GPBP1L1: variants seen among roughly 807,000 people sequenced by gnomAD.
GPBP1L1 encodes the protein vasculin-like protein 1.
GPBP1L1 carries 23 observed loss-of-function variants against 52.5 expected under a neutral mutation model. The observed-to-expected ratio is 0.44, with a 90% CI of 0.32 to 0.62. The LOEUF (loss-of-function observed/expected upper bound fraction) is 0.62. Ranked by LOEUF, GPBP1L1 falls within the 20% of genes least tolerant of loss-of-function variation. The pLI is 0.06. For synonymous variants in GPBP1L1, 243 were observed against 203.1 expected, an observed-to-expected ratio of 1.20 and a Z score of -1.67; for missense variants, 596 against 579.3, an observed-to-expected ratio of 1.03 and a Z score of -0.30.
intron 11 of GPBP1L1, 21 bp from the exon 12 acceptor site, chr1:45,629,699 G>T (rs753622626): frequency 1.4e-6 from 2 of 1,475,770 alleles, no homozygotes; most frequent in Non-Finnish European, 1.9e-6. Context: ...CAGAAGGACA[G>T]GTAAAGAGAA....
chr1:45,675,187 C>G (rs545951601), intron 2 of GPBP1L1, among the ~76,000 whole-genome samples: 1 of 152,156 alleles, frequency 6.6e-6, no homozygotes, highest in South Asian at 2.1e-4. Context: ...GTCCCAGCTA[C>G]TTGGGAGGCT....
chr1:45,673,560 G>A (rs911899948), intron 2 of GPBP1L1, among the ~76,000 whole-genome samples: 2 of 152,180 alleles, frequency 1.3e-5, no homozygotes, highest in African/African-American at 4.8e-5. Context: ...ACACAACCAT[G>A]CTTTTAAATA....
intron 7 of GPBP1L1, 45 bp from the exon 8 acceptor site, chr1:45,640,448 T>C: frequency 6.7e-7 from 1 of 1,496,708 alleles, no homozygotes; most frequent in African/African-American, 1.4e-5. Flanking sequence ...TCAAACCTGT[T>C]GTGTAACATG....
rs879222367 is a variant in GPBP1L1 at position 45,630,366 on chromosome 1, T to G, written c.1169+116A>C. On this transcript the variant is annotated intron_variant, in intron 11 of 12. Transcript: ENST00000355105. The stretch of plus-strand genomic sequence containing the variant: ...TGGGGCATACACAGAGAACAAGTTA[T>G]GACTGGGCCACTTCTCTCTGCATGT... 4 of 1,225,006 alleles carry G rather than the reference T, an allele frequency of 3.3e-6. No individual in the cohort carries two copies. The African/African-American group carries it at 6.0e-5, about 18-fold the overall frequency. The allele number at this position is 1,225,006 out of a possible 1,614,324, so 75.9% of individuals were successfully genotyped here.
At chr1:45,687,354 C>G (rs970771982), upstream of GPBP1L1, 2 of 152,310 alleles carry the variant, frequency 1.3e-5, no homozygotes, top group Non-Finnish European at 2.9e-5. Flanking sequence ...ACTAAAAGCG[C>G]TTACTATTAA....
chr1:45,681,078 G>T (rs1488819503), intron 2 of GPBP1L1, among the ~76,000 whole-genome samples: 1 of 151,724 alleles, frequency 6.6e-6, no homozygotes, highest in Non-Finnish European at 1.5e-5. Context: ...AAACTACCTG[G>T]AACAGTTAAT....
rs1191150497 is a variant in GPBP1L1, at chr1:45,628,432, G to A, written c.1273-24C>T. The A allele has an allele frequency of 3.9e-5, 63 of 1,596,908 alleles. No individual in the cohort carries two copies. In the Admixed American group the frequency reaches 4.5e-4, roughly 11 times the overall value. ...AGCTATGGTTAGCATGGGAGAGAAA[G>A]AAAAAAGAAAAAAATATCAATGACT... On this transcript the variant is annotated intron_variant, in intron 12 of 12. Coordinates refer to ENST00000355105, the MANE Select transcript of GPBP1L1 (RefSeq NM_021639.5).
At chr1:45,644,288 A>G (rs1206067194) in intron 6 of GPBP1L1, among the ~76,000 whole-genome samples, 6 of 152,232 alleles carry the variant, frequency 3.9e-5, no homozygotes, top group Admixed American at 3.3e-4. Context: ...TTTCATTTTA[A>G]TAGGCATGTT....
chr1:45,659,412 G>A (rs1644920989), intron 3 of GPBP1L1, among the ~76,000 whole-genome samples: 1 of 152,192 alleles, frequency 6.6e-6, no homozygotes, highest in Admixed American at 6.6e-5. Flanking sequence ...TGCCCAGGCT[G>A]ATCTTGAACT....
intron 4 of GPBP1L1, among the ~76,000 whole-genome samples, chr1:45,656,346 GTA>G (rs1437653670): frequency 1.3e-5 from 2 of 152,050 alleles, no homozygotes; most frequent in Non-Finnish European, 2.9e-5. Flanking sequence ...GAAAATATGG[GTA>G]TGTTTGACAA....
At chr1:45,633,025 A>C (rs1644549996) in intron 10 of GPBP1L1, among the ~76,000 whole-genome samples, 1 of 152,226 alleles carries the variant, frequency 6.6e-6, no homozygotes, top group Admixed American at 6.5e-5. Flanking sequence ...ACTGGTGAGG[A>C]GGTGTAGCAA....
intron 4 of GPBP1L1, chr1:45,655,826 G>C (rs1229385593): frequency 6.5e-6 from 1 of 153,370 alleles, no homozygotes; most frequent in Non-Finnish European, 1.4e-5. Flanking sequence ...CTGGAGTGCA[G>C]TGGCACAATC....
At chr1:45,633,881 G>T in intron 9 of GPBP1L1, 2 of 656,378 alleles carry the variant, frequency 3.0e-6, no homozygotes, top group Non-Finnish European at 5.1e-6. Context: ...CAGAATGCCA[G>T]TCTAACATAG....
chr1:45,633,340 C>T (rs1207830183), intron 10 of GPBP1L1, 149 bp downstream of exon 10: 4 of 717,702 alleles, frequency 5.6e-6, no homozygotes, highest in Non-Finnish European at 9.2e-6. Context: ...ACTCACTTTA[C>T]TATGTGGTCT....
At chr1:45,687,597 G>T (rs1437427862), upstream of GPBP1L1, 1 of 152,234 alleles carries the variant, frequency 6.6e-6, no homozygotes, top group Non-Finnish European at 1.5e-5. Flanking sequence ...CTTGCCCAAG[G>T]TCACATAGCC....
chr1:45,640,236 G>A lies in GPBP1L1; in HGVS notation c.718C>T (p.Pro240Ser), dbSNP rs1333460556. ...VVPSVYKNLV[P>S]KPVPPPSKPN... ...TTGGAAGGAGGTGGTACAGGCTTAG[G>A]AACCAGGTTCTTATAGACACTTGGA... Residue 240 changes from proline (P) to serine (S), a missense_variant, in exon 8 of 13, where the codon CCT becomes TCT. Physicochemically the swap from Pro to Ser is moderately conservative, Grantham distance 74. Coordinates refer to ENST00000355105, the MANE Select transcript of GPBP1L1 (RefSeq NM_021639.5). 6.2e-7 allele frequency: 1 copy of A among 1,614,008 alleles called. No individual in the cohort carries two copies. The highest frequency in any genetic ancestry group is 1.7e-5 in the Admixed American group (1 of 60,022).
At chr1:45,654,950 TG>T (rs1480191530) in intron 5 of GPBP1L1, 121 bp from the exon 6 acceptor site, 1 of 1,099,970 alleles carries the variant, frequency 9.1e-7, no homozygotes. Context: ...AATAAAAAAA[TG>T]TATCTTTTCT....
chr1:45,655,581 G>A (rs933937147), intron 4 of GPBP1L1: 6 of 285,870 alleles, frequency 2.1e-5, no homozygotes, highest in Middle Eastern at 1.0e-3. Context: ...GAAAGGAGGC[G>A]GAGGGGAAAA....
intron 8 of GPBP1L1, among the ~76,000 whole-genome samples, chr1:45,636,420 T>A (rs1029383804): frequency 6.6e-6 from 1 of 152,136 alleles, no homozygotes; most frequent in Non-Finnish European, 1.5e-5. Context: ...GTAGATAATA[T>A]GTAAAATTGC....
Sources: gnomAD v4.1 joint callset for allele counts (sites outside exome capture counted in the v4.1 genomes callset) on GRCh38, gnomAD v4.1.1 for gene constraint, MANE v1.5 for transcripts, NCBI Gene and HGNC (gene_info 2026-07-23, HGNC 2026-07-21) for gene names.